CNR2: variants seen among roughly 807,000 people sequenced by gnomAD.
The protein encoded by CNR2 is cannabinoid receptor 2, also known as cannabinoid receptor 2 (macrophage).
For missense variants in CNR2, 379 were observed against 439.9 expected (o/e 0.86, Z 1.24); for synonymous variants, 172 against 182.2 (o/e 0.94, Z 0.45).
At position 23,875,650 on chromosome 1, in the gene CNR2, C is replaced by T. The variant is rs1369372914; in HGVS notation, c.-33G>A. The T allele has an allele frequency of 1.3e-6, 2 of 1,554,736 alleles. No homozygotes were observed. The highest frequency in any genetic ancestry group is 1.7e-6 in the Non-Finnish European group (2 of 1,150,260). ...GCCCTTCAGATTCCACTGAGCTTGT[C>T]TAGAAGGCTTTGCTGCAGTACAATG... On this transcript the variant is annotated 5_prime_UTR_variant, in exon 2 of 2. Transcript: ENST00000374472.
In CNR2 at chr1:23,902,563, A is replaced by G. The variant is rs142402613; in HGVS notation, c.-46+10683T>C. On this transcript the variant is annotated intron_variant, in intron 1 of 1. Transcript: ENST00000374472. ...TCCACGTCTGGAATGTGAATTTCAG[A>G]TTTGACTTCCGCCAGGTCCCAGTAG... 4.7e-4 allele frequency: 755 copies of G among 1,608,302 alleles called. 4 individuals carry two copies. The African/African-American group carries it at 9.2e-3, about 20-fold the overall frequency.
chr1:23,905,994 C>G (rs1640480775), intron 1 of CNR2, among the ~76,000 whole-genome samples: 2 of 152,134 alleles, frequency 1.3e-5, no homozygotes, highest in Admixed American at 6.6e-5. Context: ...TGTTCCTGTT[C>G]TGTGTAAAAG....
At position 23,882,025 on chromosome 1, in the gene CNR2, G is replaced by T. The variant is rs535907441; in HGVS notation, c.-45-6363C>A. 5.1e-4 allele frequency among the ~76,000 whole-genome samples: 78 copies of T among 151,518 alleles called. 3 individuals carry two copies. Among genetic ancestry groups the T allele is most frequent in the African/African-American group, 1.6e-3 (66 of 41,378 alleles). On this transcript the variant is annotated intron_variant, in intron 1 of 1. Transcript: ENST00000374472. ...CAACCTCCACCTCCCAGGTTCAAGC[G>T]ATTCTCCTGCCTCAGCCTCCCAAGT...
intron 1 of CNR2, among the ~76,000 whole-genome samples, chr1:23,877,940 G>A (rs1374094999): frequency 5.4e-5 from 8 of 147,380 alleles, no homozygotes; most frequent in South Asian, 2.1e-4. Flanking sequence ...CAGCCTGGGC[G>A]ATAAGAGTGA....
At chr1:23,905,872 G>A (rs1323695685) in intron 1 of CNR2, among the ~76,000 whole-genome samples, 1 of 152,186 alleles carries the variant, frequency 6.6e-6, no homozygotes, top group Non-Finnish European at 1.5e-5. Context: ...AAGAACACAT[G>A]TTGCAATCTC....
chr1:23,875,138 G>A lies in CNR2; in HGVS notation c.480C>T (p.Leu160=), dbSNP rs1477509673. The A allele has an allele frequency of 1.9e-6, 3 of 1,612,114 alleles. No individual in the cohort carries two copies. Among genetic ancestry groups the A allele is most frequent in the African/African-American group, 1.3e-5 (1 of 74,916 alleles). ...GGGGCAGGTAGGAGACTAGTGCTGAGAGGACCCACATGATGCCCAGGGTCA... is the reference window on the plus strand; with the variant it reads ...GGGGCAGGTAGGAGACTAGTGCTGAAAGGACCCACATGATGCCCAGGGTCA... ...ALVTLGIMWV[L]SALVSYLPLM... Residue 160 remains leucine (L), a synonymous_variant, in exon 2 of 2, where the codon CTC becomes CTT. Coordinates refer to ENST00000374472, the MANE Select transcript of CNR2 (RefSeq NM_001841.3).
chr1:23,901,835 T>C, intron 1 of CNR2: 1 of 1,608,288 alleles, frequency 6.2e-7, no homozygotes, highest in East Asian at 2.2e-5. Context: ...TACCCTTCTG[T>C]CCACTGCAAA....
At chr1:23,894,942 G>A (rs1054412700) in intron 1 of CNR2, among the ~76,000 whole-genome samples, 15 of 151,904 alleles carry the variant, frequency 9.9e-5, no homozygotes, top group African/African-American at 1.5e-4. Context: ...CAACACTGCC[G>A]GGCATGGTGG....
At chr1:23,881,852 T>C (rs2148460163) in intron 1 of CNR2, among the ~76,000 whole-genome samples, 1 of 145,588 alleles carries the variant, frequency 6.9e-6, no homozygotes, top group African/African-American at 2.5e-5. Context: ...GATCGTGCCA[T>C]TGCACTCCAG....
chr1:23,884,829 C>G (rs1345142053), intron 1 of CNR2, among the ~76,000 whole-genome samples: 6 of 151,188 alleles, frequency 4.0e-5, no homozygotes, highest in Non-Finnish European at 5.9e-5. Context: ...GAGATAGAGT[C>G]TCACTCTGTC....
rs1454163294 is a variant in CNR2 at position 23,874,839 on chromosome 1, G to A, written c.779C>T (p.Pro260Leu). ...VLAVLLICWFPVLALMAHSLA... is the reference protein window; with the variant it reads ...VLAVLLICWFLVLALMAHSLA... The stretch of plus-strand genomic sequence containing the variant: ...GCTGTGGGCCATGAGGGCCAGCACT[G>A]GGAACCAACAGATGAGGAGCACAGC... Residue 260 changes from proline to leucine, a missense_variant, in exon 2 of 2, where the codon CCA (proline) becomes CTA (leucine). Transcript: ENST00000374472. 1 of 1,613,982 alleles carries A rather than the reference G, an allele frequency of 6.2e-7. No homozygotes were observed. Among genetic ancestry groups the A allele is most frequent in the Non-Finnish European group, 8.5e-7 (1 of 1,179,944 alleles).
chr1:23,875,717 C>A, intron 1 of CNR2, 55 bp from the exon 2 acceptor site: 3 of 1,405,320 alleles, frequency 2.1e-6, no homozygotes, highest in Non-Finnish European at 2.9e-6. Context: ...CAAGAATGAC[C>A]TCACCTGATA....
intron 1 of CNR2, among the ~76,000 whole-genome samples, chr1:23,883,139 C>T (rs193138970): frequency 6.6e-6 from 1 of 152,274 alleles, no homozygotes; most frequent in African/African-American, 2.4e-5. Context: ...TGAAAAGATG[C>T]GTAACCTCAA....
At chr1:23,905,086 T>G (rs1441468633) in intron 1 of CNR2, among the ~76,000 whole-genome samples, 1 of 152,166 alleles carries the variant, frequency 6.6e-6, no homozygotes, top group Non-Finnish European at 1.5e-5. Context: ...CTTGAAACAC[T>G]CTGGTGATTA....
intron 1 of CNR2, among the ~76,000 whole-genome samples, chr1:23,910,821 G>C (rs1640571599): frequency 6.6e-6 from 1 of 152,086 alleles, no homozygotes; most frequent in Non-Finnish European, 1.5e-5. Flanking sequence ...ACTTGCCCCA[G>C]GTTGCCTGAG....
rs557463968 is a variant in CNR2, at chr1:23,872,238, A to C, written c.*2297T>G. 1.3e-5 allele frequency: 2 copies of C among 151,696 alleles called. No individual in the cohort carries two copies. The highest frequency in any genetic ancestry group is 3.9e-4 in the East Asian group (2 of 5,162). The allele number at this position is 151,696 out of a possible 1,614,324, so 9.4% of individuals were successfully genotyped here. On this transcript the variant is annotated 3_prime_UTR_variant, in exon 2 of 2. Transcript: ENST00000374472. ...ATGTTTCCACAAGCCAAGGAATGAC[A>C]GGGACTGCCAGAAGTTGAAAGAGTC...
chr1:23,895,895 C>T (rs758134158), intron 1 of CNR2, among the ~76,000 whole-genome samples: 6 of 152,192 alleles, frequency 3.9e-5, no homozygotes, highest in East Asian at 3.8e-4. Context: ...CCTGATACCA[C>T]GCACAATCTT....
intron 1 of CNR2, among the ~76,000 whole-genome samples, chr1:23,897,342 C>T (rs1364743882): frequency 1.3e-5 from 2 of 152,040 alleles, no homozygotes; most frequent in Non-Finnish European, 2.9e-5. Context: ...GTGGTCTCAG[C>T]GACCCTTTAC....
intron 1 of CNR2, among the ~76,000 whole-genome samples, chr1:23,889,786 C>T (rs1410795361): frequency 6.6e-6 from 1 of 152,164 alleles, no homozygotes; most frequent in Non-Finnish European, 1.5e-5. Context: ...GATGTGTGAC[C>T]TTGGGCACCT....
Sources: gnomAD v4.1 joint callset for allele counts (sites outside exome capture counted in the v4.1 genomes callset) on GRCh38, gnomAD v4.1.1 for gene constraint, MANE v1.5 for transcripts, NCBI Gene and HGNC (gene_info 2026-07-23, HGNC 2026-07-21) for gene names.